Variants in RFT1 observed in about 807,000 individuals in gnomAD.
RFT1 encodes RFT1 glycolipid translocator homolog, also known as man(5)GlcNAc(2)-PP-dolichol translocation protein RFT1.
Under a neutral mutation model 62.2 loss-of-function variants are expected in RFT1, and 43 were observed. The observed-to-expected ratio is 0.69, with a 90% CI of 0.54 to 0.89. RFT1 has a LOEUF of 0.89. Among genes scored for constraint, RFT1 ranks in the 40% least tolerant of loss-of-function variants. The probability of loss-of-function intolerance (pLI) is 0.00; values close to 1 mark genes in which losing one functional copy is unlikely to be tolerated. For missense variants in RFT1, 605 were observed against 649.9 expected (o/e 0.93, Z 0.75); for synonymous variants, 262 against 264.6 (o/e 0.99, Z 0.10).
At position 53,121,765 on chromosome 3, in the gene RFT1, G is replaced by A. The variant is rs767438719; in HGVS notation, c.492C>T (p.Ser164=). 14 of 1,613,896 alleles carry A rather than the reference G, an allele frequency of 8.7e-6. No homozygotes were observed. The highest frequency in any genetic ancestry group is 3.3e-5 in the Admixed American group (2 of 59,986). The part of the protein sequence containing the change: ...IAESLSVILK[S]VLTAFLVLWL... Reference sequence around the variant, plus strand: ...ACAGCACGAGAAAAGCTGTCAGAACGCTCTTAAGAATTACCGACAGGCTCT... The same window carrying A: ...ACAGCACGAGAAAAGCTGTCAGAACACTCTTAAGAATTACCGACAGGCTCT... Residue 164 remains serine (S), a synonymous_variant, in exon 5 of 13, where the codon AGC becomes AGT. Coordinates refer to ENST00000296292, the MANE Select transcript of RFT1 (RefSeq NM_052859.4).
intron 7 of RFT1, among the ~76,000 whole-genome samples, chr3:53,107,175 A>G (rs1294239965): frequency 2.0e-5 from 3 of 148,222 alleles, no homozygotes; most frequent in Non-Finnish European, 3.0e-5. Flanking sequence ...TCGCTCTGTC[A>G]CCCAGGCTGG....
chr3:53,110,462 T>C (rs1407022491), intron 7 of RFT1, among the ~76,000 whole-genome samples: 1 of 152,094 alleles, frequency 6.6e-6, no homozygotes, highest in African/African-American at 2.4e-5. Context: ...GACCCTCCCT[T>C]CCCCGAGAAG....
chr3:53,130,210 C>T (rs954502064), intron 1 of RFT1, 128 bp downstream of exon 1: 3 of 938,466 alleles, frequency 3.2e-6, no homozygotes, highest in Non-Finnish European at 3.4e-6. Flanking sequence ...TCGACCCCCC[C>T]ACCCCCTCCA....
the RFT1 span, among the ~76,000 whole-genome samples, chr3:53,082,808 G>A: frequency 6.6e-6 from 1 of 152,190 alleles, no homozygotes; most frequent in East Asian, 1.9e-4. Context: ...TTGGGTGGGG[G>A]TGGGGAAGTA....
Position 53,091,683 on chromosome 3 carries a change from G to A in RFT1, c.*220C>T, listed in dbSNP as rs1373941622. On this transcript the variant is annotated 3_prime_UTR_variant, in exon 13 of 13. Transcript: ENST00000296292. ...ATGATAAAAAACTATTATTTTTAAA[G>A]GGCTTTTGGTCTTCACTTAAAAATG... 1 of 592,582 alleles carries A rather than the reference G, an allele frequency of 1.7e-6. No homozygotes were observed. Among genetic ancestry groups the A allele is most frequent in the Non-Finnish European group, 3.0e-6 (1 of 332,822 alleles). The allele number at this position is 592,582 out of a possible 1,614,324, so 36.7% of individuals were successfully genotyped here.
chr3:53,106,619 G>A (rs754872272), intron 8 of RFT1, among the ~76,000 whole-genome samples, 200 bp downstream of exon 8: 7 of 152,152 alleles, frequency 4.6e-5, no homozygotes, highest in Non-Finnish European at 1.0e-4. Flanking sequence ...GCAAAATAGA[G>A]GGCCGGGGTC....
At chr3:53,077,317 T>C in the RFT1 span, among the ~76,000 whole-genome samples, 1 of 151,950 alleles carries the variant, frequency 6.6e-6, no homozygotes, top group Non-Finnish European at 1.5e-5. Context: ...GAGCGTGGAG[T>C]GATCTTGTCA....
chr3:53,094,598 T>C (rs891488594), intron 11 of RFT1, among the ~76,000 whole-genome samples: 2 of 152,034 alleles, frequency 1.3e-5, no homozygotes, highest in Non-Finnish European at 2.9e-5. Context: ...CACAGACCAG[T>C]ACTTTGACCT....
the RFT1 span, among the ~76,000 whole-genome samples, chr3:53,082,094 C>T: frequency 6.6e-6 from 1 of 152,024 alleles, no homozygotes; most frequent in South Asian, 2.1e-4. Context: ...CAGGCGAGAG[C>T]CACCACGCCC....
At chr3:53,118,781 C>G (rs1701880400) in intron 6 of RFT1, among the ~76,000 whole-genome samples, 1 of 152,008 alleles carries the variant, frequency 6.6e-6, no homozygotes, top group East Asian at 1.9e-4. Flanking sequence ...CCCAGAAGAG[C>G]CAGAAAATGA....
At chr3:53,096,882 T>C (rs1288166364) in intron 11 of RFT1, among the ~76,000 whole-genome samples, 2 of 151,956 alleles carry the variant, frequency 1.3e-5, no homozygotes, top group Admixed American at 1.3e-4. Flanking sequence ...GTAGCTGGGA[T>C]TACAGGCGTG....
chr3:53,076,515 T>G, the RFT1 span, among the ~76,000 whole-genome samples: 1 of 152,208 alleles, frequency 6.6e-6, no homozygotes, highest in Non-Finnish European at 1.5e-5. Flanking sequence ...ACTACTTGGT[T>G]TAGCAGAAAA....
chr3:53,092,378 A>C lies in RFT1; in HGVS notation c.1449T>G (p.Ala483=). 6.2e-7 allele frequency: 1 copy of C among 1,601,600 alleles called. No homozygotes were observed. Among genetic ancestry groups the C allele is most frequent in the South Asian group, 1.1e-5 (1 of 88,750 alleles). Residue 483 remains alanine, a synonymous_variant, in exon 12 of 13, where the codon GCT becomes GCG. Transcript: ENST00000296292. ...GTFALSGGVT[A]VSEVFLCCEQ... ...GCTCAGGGAGTCTCACCTCCGAAAC[A>C]GCAGTAACCCCACCACTGAGGGCAA...
chr3:53,086,573 C>T (rs537864075), downstream of RFT1, among the ~76,000 whole-genome samples: 4 of 152,208 alleles, frequency 2.6e-5, no homozygotes, highest in Non-Finnish European at 5.9e-5. Flanking sequence ...GCCTCGGCCT[C>T]CCAAAGTGCT....
chr3:53,123,636 T>G (rs952823923), intron 3 of RFT1, 88 bp downstream of exon 3: 12 of 1,037,930 alleles, frequency 1.2e-5, no homozygotes, highest in Non-Finnish European at 1.8e-5. Flanking sequence ...TGGGGGCAAT[T>G]CAGCTTTAGG....
intron 5 of RFT1, among the ~76,000 whole-genome samples, chr3:53,121,422 G>A (rs1416848396): frequency 1.3e-5 from 2 of 152,034 alleles, no homozygotes; most frequent in African/African-American, 4.8e-5. Flanking sequence ...TTTGAAACAG[G>A]CTTGCCCACT....
chr3:53,116,065 A>G (rs1003685469), intron 6 of RFT1, among the ~76,000 whole-genome samples: 2 of 152,262 alleles, frequency 1.3e-5, no homozygotes, highest in African/African-American at 4.8e-5. Flanking sequence ...TTGAAGTATC[A>G]TTAATTTATT....
rs1042959754 is a variant in RFT1 at position 53,130,415 on chromosome 3, G to A, written c.-15C>T. On this transcript the variant is annotated 5_prime_UTR_variant, in exon 1 of 13. Coordinates refer to ENST00000296292, the MANE Select transcript of RFT1 (RefSeq NM_052859.4). ...TGGCTGCCCATAGCCTCCGCGCCAG[G>A]CTCAGACACCAGGAAATGCCGCCGC... is the stretch of plus-strand genomic sequence containing the variant. The A allele has an allele frequency of 4.5e-6, 7 of 1,551,122 alleles. No homozygotes were observed. Among genetic ancestry groups the A allele is most frequent in the South Asian group, 1.2e-5 (1 of 84,132 alleles).
At chr3:53,119,182 A>C (rs6445562) in intron 6 of RFT1, among the ~76,000 whole-genome samples, 151,112 of 151,838 alleles carry the variant, frequency 1, 75,200 homozygotes, top group Middle Eastern at 1. Flanking sequence ...CCACTATGGG[A>C]AACAGAATGA....
Sources: allele counts gnomAD v4.1 joint callset (sites outside exome capture counted in the v4.1 genomes callset), GRCh38; gene constraint gnomAD v4.1.1; transcripts MANE v1.5; gene names NCBI Gene and HGNC (gene_info 2026-07-23, HGNC 2026-07-21).